The following CFDP1 variants were observed in gnomAD, a reference collection of about 807,000 sequenced individuals.
CFDP1 encodes the protein heterochromatin-stabilizing protein CFDP1.
In CFDP1, 31 loss-of-function variants were observed where a neutral mutation model predicts 40.1. The observed-to-expected ratio is 0.77, with a 90% CI of 0.58 to 1.04. CFDP1 has a LOEUF of 1.04. Ranked by LOEUF, CFDP1 falls within the 50% of genes least tolerant of loss-of-function variation. CFDP1 has a pLI of 0.00. For missense variants in CFDP1, 423 were observed against 343.4 expected (o/e 1.23, Z -1.83); for synonymous variants, 167 against 120.0 (o/e 1.39, Z -2.56).
chr16:75,334,821 G>C (rs1008661884), intron 5 of CFDP1, among the ~76,000 whole-genome samples: 1 of 152,066 alleles, frequency 6.6e-6, no homozygotes, highest in African/African-American at 2.4e-5. Context: ...CAGGTGTGGT[G>C]GTGCATGCCT....
chr16:75,380,274 C>T (rs187669796), intron 5 of CFDP1: 2 of 152,028 alleles, frequency 1.3e-5, no homozygotes, highest in East Asian at 1.9e-4. Context: ...ATAAAATATA[C>T]CAAAAATTAT....
intron 5 of CFDP1, chr16:75,379,674 C>T (rs2078837065): frequency 6.6e-6 from 1 of 152,066 alleles, no homozygotes. Flanking sequence ...TGAAAATGTT[C>T]TGTATCTTGA....
intron 1 of CFDP1, among the ~76,000 whole-genome samples, chr16:75,428,703 T>C (rs188993220): frequency 0.019 from 2,337 of 121,638 alleles, 60 homozygotes; most frequent in African/African-American, 0.066. Context: ...AAAGAAAGAG[T>C]GAGAGAGGAA....
At chr16:75,335,910 A>G (rs1044668154) in intron 5 of CFDP1, among the ~76,000 whole-genome samples, 2 of 152,198 alleles carry the variant, frequency 1.3e-5, no homozygotes, top group Non-Finnish European at 2.9e-5. Flanking sequence ...TCTGCAAGCA[A>G]GAGTAAAAAA....
intron 5 of CFDP1, among the ~76,000 whole-genome samples, chr16:75,320,254 G>C (rs1169706497): frequency 6.6e-6 from 1 of 152,120 alleles, no homozygotes; most frequent in African/African-American, 2.4e-5. Context: ...TGCATTCTGA[G>C]ACCCCCTCGG....
chr16:75,393,071 G>T (rs769087534), intron 5 of CFDP1, among the ~76,000 whole-genome samples: 1 of 152,206 alleles, frequency 6.6e-6, no homozygotes, highest in Non-Finnish European at 1.5e-5. Flanking sequence ...CAGCAAGCAC[G>T]TGCAGCTCAC....
At chr16:75,406,881 C>A (rs1179417576) in intron 4 of CFDP1, among the ~76,000 whole-genome samples, 1 of 151,868 alleles carries the variant, frequency 6.6e-6, no homozygotes, top group Non-Finnish European at 1.5e-5. Context: ...ATTAGCCAGG[C>A]GTGGTGGCAG....
At position 75,365,504 on chromosome 16, in the gene CFDP1, G is replaced by T. The variant is rs1239660124; in HGVS notation, c.650+29586C>A. ...TGCTTCTCCATGGGTTATGGAGACAGTACTAAGTCTGGCTGTCAGAACAGC... is the reference window on the plus strand; with the variant it reads ...TGCTTCTCCATGGGTTATGGAGACATTACTAAGTCTGGCTGTCAGAACAGC... On this transcript the variant is annotated intron_variant, in intron 5 of 6. Coordinates refer to ENST00000283882, the MANE Select transcript of CFDP1 (RefSeq NM_006324.3). 2.0e-5 allele frequency among the ~76,000 whole-genome samples: 3 copies of T among 152,202 alleles called. No individual in the cohort carries two copies. In the East Asian group the frequency reaches 5.8e-4, roughly 29 times the overall value.
chr16:75,332,798 C>CTT (rs997878419), intron 5 of CFDP1, among the ~76,000 whole-genome samples: 3 of 134,136 alleles, frequency 2.2e-5, no homozygotes, highest in Non-Finnish European at 1.6e-5. Context: ...TATTCATGTT[C>CTT]TTTTTTTTTT....
At chr16:75,344,521 G>A (rs1437156342) in intron 5 of CFDP1, among the ~76,000 whole-genome samples, 1 of 152,118 alleles carries the variant, frequency 6.6e-6, no homozygotes, top group Non-Finnish European at 1.5e-5. Context: ...TATAGTAGGC[G>A]TGTATTCACC....
At chr16:75,311,431 GC>G (rs2078291865) in intron 5 of CFDP1, among the ~76,000 whole-genome samples, 1 of 152,090 alleles carries the variant, frequency 6.6e-6, no homozygotes, top group African/African-American at 2.4e-5. Context: ...GAGCCACTAT[GC>G]CCAATCTACT....
At chr16:75,353,022 A>G (rs946263937) in intron 5 of CFDP1, among the ~76,000 whole-genome samples, 7 of 152,248 alleles carry the variant, frequency 4.6e-5, no homozygotes, top group African/African-American at 1.7e-4. Flanking sequence ...TGAGGATGTA[A>G]CCAGCAAAAC....
intron 4 of CFDP1, among the ~76,000 whole-genome samples, chr16:75,396,968 C>T (rs2078999263): frequency 6.6e-6 from 1 of 151,996 alleles, no homozygotes; most frequent in South Asian, 2.1e-4. Flanking sequence ...GGCTGGAGTG[C>T]AGTGGCGCAA....
rs376829342 is a variant in CFDP1, at chr16:75,424,336, G to C, written c.64+8953C>G. Among the ~76,000 whole-genome samples the C allele has an allele frequency of 1.2e-3, 182 of 152,294 alleles. 5 individuals are homozygous for C. The South Asian group carries it at 0.033, about 28-fold the overall frequency. ...CGTACAGTGTTAGGTGACTGAGTTGGTAATAAGTTACTCAATGCTAAAGGG... is the reference window on the plus strand; with the variant it reads ...CGTACAGTGTTAGGTGACTGAGTTGCTAATAAGTTACTCAATGCTAAAGGG... On this transcript the variant is annotated intron_variant, in intron 1 of 6. Transcript: ENST00000283882.
At chr16:75,377,344 TATC>T (rs1311810470) in intron 5 of CFDP1, among the ~76,000 whole-genome samples, 1 of 152,228 alleles carries the variant, frequency 6.6e-6, no homozygotes, top group East Asian at 1.9e-4. Flanking sequence ...GGAGTATAAT[TATC>T]ATTAAAATGC....
chr16:75,415,256 C>A (rs945333435), intron 1 of CFDP1, among the ~76,000 whole-genome samples: 3 of 152,190 alleles, frequency 2.0e-5, no homozygotes, highest in African/African-American at 4.8e-5. Flanking sequence ...GGGTCCCCAA[C>A]AAAAGAGTGT....
At chr16:75,301,113 C>T (rs960714452) in intron 6 of CFDP1, among the ~76,000 whole-genome samples, 2 of 152,156 alleles carry the variant, frequency 1.3e-5, no homozygotes. Context: ...AAAGCGAGCA[C>T]AGGACTCATG....
chr16:75,344,348 G>A (rs1385764829), intron 5 of CFDP1, among the ~76,000 whole-genome samples: 1 of 152,182 alleles, frequency 6.6e-6, no homozygotes, highest in Admixed American at 6.5e-5. Context: ...TTTATGTTAG[G>A]TGTATTTCAC....
chr16:75,364,676 G>A (rs4887821), intron 5 of CFDP1, among the ~76,000 whole-genome samples: 78,801 of 152,034 alleles, frequency 0.52, 21,497 homozygotes, highest in Admixed American at 0.64. Context: ...ACATTTTTTT[G>A]TATTGGAAAA....
Sources: allele counts gnomAD v4.1 joint callset (sites outside exome capture counted in the v4.1 genomes callset), GRCh38; gene constraint gnomAD v4.1.1; transcripts MANE v1.5; gene names NCBI Gene and HGNC (gene_info 2026-07-23, HGNC 2026-07-21).